The following LCORL variants were observed in gnomAD, a reference collection of about 807,000 sequenced individuals.
LCORL encodes ligand dependent nuclear receptor corepressor like.
In LCORL, 41 loss-of-function variants were observed where a neutral mutation model predicts 141.8. The observed-to-expected ratio is 0.29, with a 90% CI of 0.23 to 0.38. The LOEUF is 0.38. LCORL is among the 10% of genes least tolerant of loss of function. The pLI, the probability that LCORL is intolerant of heterozygous loss-of-function variation, is 1.00. For synonymous variants in LCORL, 618 were observed against 694.1 expected, an observed-to-expected ratio of 0.89 and a Z score of 1.72; for missense variants, 1,759 against 2,035.0, an observed-to-expected ratio of 0.86 and a Z score of 2.61.
chr4:17,982,265 A>C (rs1718146572), intron 1 of LCORL, among the ~76,000 whole-genome samples: 2 of 152,158 alleles, frequency 1.3e-5, no homozygotes, highest in African/African-American at 4.8e-5. Context: ...TACATACAAT[A>C]CAACAATTTA....
intron 4 of LCORL, among the ~76,000 whole-genome samples, chr4:17,940,933 A>G (rs1411347325): frequency 6.6e-6 from 1 of 152,222 alleles, no homozygotes; most frequent in African/African-American, 2.4e-5. Context: ...TTAAGTTGCA[A>G]TTACGAAATG....
chr4:17,870,108 GC>G (rs1194948223), intron 7 of LCORL, among the ~76,000 whole-genome samples: 1 of 151,914 alleles, frequency 6.6e-6, no homozygotes, highest in Admixed American at 6.6e-5. Context: ...CCTATTTTAT[GC>G]CTCAGTTCTG....
intron 4 of LCORL, among the ~76,000 whole-genome samples, chr4:17,920,379 T>TA (rs1451280126): frequency 6.6e-6 from 1 of 152,236 alleles, no homozygotes; most frequent in African/African-American, 2.4e-5. Flanking sequence ...AAGAATACCT[T>TA]ATTGTTAAAA....
At chr4:17,901,924 A>C (rs1730944825) in intron 5 of LCORL, among the ~76,000 whole-genome samples, 1 of 152,082 alleles carries the variant, frequency 6.6e-6, no homozygotes, top group South Asian at 2.1e-4. Context: ...AAGAATAAGA[A>C]TATCAATGTG....
rs193010987 is a variant in LCORL at position 18,015,113 on chromosome 4, A to G, written c.154+6485T>C. On this transcript the variant is annotated intron_variant, in intron 1 of 7. Coordinates refer to ENST00000635767, the Ensembl canonical transcript of LCORL. ...TTACATAACATAACCAAAAATCTAT[A>G]TATCTTTGTTGCTCCTCCCAAGACT... Among the ~76,000 whole-genome samples, 46 of 152,360 alleles carry G rather than the reference A, an allele frequency of 3.0e-4. 4 individuals carry two copies. Among genetic ancestry groups the G allele is most frequent in the Admixed American group, 2.1e-3 (32 of 15,308 alleles).
chr4:17,988,696 CTT>C (rs1216748381), intron 1 of LCORL, among the ~76,000 whole-genome samples: 3 of 152,064 alleles, frequency 2.0e-5, no homozygotes, highest in African/African-American at 4.8e-5. Context: ...TAAAAATAAT[CTT>C]GTTTCTGGCC....
intron 1 of LCORL, among the ~76,000 whole-genome samples, chr4:17,996,906 G>A (rs914691090): frequency 2.6e-5 from 4 of 151,966 alleles, no homozygotes; most frequent in Non-Finnish European, 5.9e-5. Context: ...TCTACAAAAT[G>A]AATTATAAAT....
intron 1 of LCORL, among the ~76,000 whole-genome samples, chr4:18,003,463 C>T (rs1722299690): frequency 6.6e-6 from 1 of 152,094 alleles, no homozygotes; most frequent in Admixed American, 6.6e-5. Context: ...ATAAAGAACA[C>T]CAGAGAAATA....
intron 4 of LCORL, among the ~76,000 whole-genome samples, chr4:17,953,992 T>C (rs986543608): frequency 6.6e-6 from 1 of 151,848 alleles, no homozygotes; most frequent in African/African-American, 2.4e-5. Context: ...TGAAACCCCG[T>C]CTCTACTAAA....
At chr4:17,942,646 T>C (rs1738155237) in intron 4 of LCORL, among the ~76,000 whole-genome samples, 1 of 152,160 alleles carries the variant, frequency 6.6e-6, no homozygotes, top group South Asian at 2.1e-4. Flanking sequence ...TTATCAAAAC[T>C]CTAATATAAC....
intron 4 of LCORL, among the ~76,000 whole-genome samples, chr4:17,959,329 TAA>T (rs575842137): frequency 4.2e-4 from 64 of 152,138 alleles, no homozygotes; most frequent in Admixed American, 6.5e-4. Flanking sequence ...ACTTAGTACT[TAA>T]AAGAGTCTAG....
intron 6 of LCORL, among the ~76,000 whole-genome samples, chr4:17,878,695 A>G (rs1727178322): frequency 6.6e-6 from 1 of 151,376 alleles, no homozygotes; most frequent in Non-Finnish European, 1.5e-5. Context: ...CATAATCACA[A>G]GGAAAATTAA....
At chr4:17,984,029 T>C (rs1175416082) in intron 1 of LCORL, among the ~76,000 whole-genome samples, 1 of 152,184 alleles carries the variant, frequency 6.6e-6, no homozygotes, top group Admixed American at 6.5e-5. Context: ...GATAATCATG[T>C]GGTTTTTTGT....
chr4:17,917,189 GT>G (rs925657686), intron 4 of LCORL, among the ~76,000 whole-genome samples: 10 of 150,414 alleles, frequency 6.6e-5, no homozygotes, highest in Non-Finnish European at 1.2e-4. Flanking sequence ...GCCAGGCTGA[GT>G]TTTTTTTGTT....
chr4:18,015,378 C>CA (rs1404909865), intron 1 of LCORL, among the ~76,000 whole-genome samples: 1 of 152,046 alleles, frequency 6.6e-6, no homozygotes, highest in African/African-American at 2.4e-5. Flanking sequence ...TGCTTGGTTC[C>CA]AAAAATGGCA....
intron 1 of LCORL, among the ~76,000 whole-genome samples, chr4:18,014,814 T>C (rs1384791665): frequency 6.6e-6 from 1 of 152,210 alleles, no homozygotes; most frequent in Non-Finnish European, 1.5e-5. Flanking sequence ...GGCCCCCCAT[T>C]CACATTCTCT....
At chr4:17,876,192 C>A in exon 7 of LCORL, 1 of 1,230,942 alleles carries the variant, frequency 8.1e-7, no homozygotes, top group Admixed American at 4.2e-5. Context: ...GGAAATCAAG[C>A]GACCCATATC....
rs187256623 is a variant in LCORL at position 17,875,948 on chromosome 4, C to T, written c.3042G>A (p.Ala1014=). ...GACTGGAGTGATAATTTTCAGAGTT[C>T]GCATTTGAGATATCCTCATTTGTTT... Residue 1014 remains alanine, a synonymous_variant, in exon 7 of 8, where the codon GCG becomes GCA. Transcript: ENST00000635767. 5.7e-6 allele frequency: 7 copies of T among 1,231,130 alleles called. No individual in the cohort carries two copies. In the East Asian group the frequency reaches 1.3e-4, roughly 22 times the overall value. 76.3% of individuals were successfully genotyped at this position (1,231,130 alleles called of 1,614,324 possible).
At chr4:17,979,515 G>T (rs1419248637) in intron 1 of LCORL, among the ~76,000 whole-genome samples, 1 of 152,076 alleles carries the variant, frequency 6.6e-6, no homozygotes, top group Admixed American at 6.5e-5. Context: ...AGATATTCAG[G>T]TCTATAATTT....
Sources: gnomAD v4.1 joint callset for allele counts (sites outside exome capture counted in the v4.1 genomes callset) on GRCh38, gnomAD v4.1.1 for gene constraint, MANE v1.5 for transcripts, NCBI Gene and HGNC (gene_info 2026-07-23, HGNC 2026-07-21) for gene names.